Variants in LINGO2 observed in about 807,000 individuals in gnomAD.
The protein encoded by LINGO2 is leucine-rich repeat and immunoglobulin-like domain-containing nogo receptor-interacting protein 2.
LINGO2 carries 14 observed loss-of-function variants against 30.6 expected under a neutral mutation model. The observed-to-expected ratio is 0.46, with a 90% CI of 0.30 to 0.72. The LOEUF (loss-of-function observed/expected upper bound fraction) is 0.72. Ranked by LOEUF, LINGO2 falls within the 30% of genes least tolerant of loss-of-function variation. LINGO2 has a pLI of 0.07. For missense variants in LINGO2, 729 were observed against 751.7 expected (o/e 0.97, Z 0.35); for synonymous variants, 317 against 288.5 (o/e 1.10, Z -1.00).
At chr9:28,616,185 C>T (rs553352922) in intron 1 of LINGO2, among the ~76,000 whole-genome samples, 1 of 152,126 alleles carries the variant, frequency 6.6e-6, no homozygotes, top group Admixed American at 6.5e-5. Context: ...TTTTAAAATG[C>T]TTATAAATAT....
At chr9:28,634,388 C>T (rs1329285962) in intron 1 of LINGO2, among the ~76,000 whole-genome samples, 2 of 151,828 alleles carry the variant, frequency 1.3e-5, no homozygotes, top group African/African-American at 4.8e-5. Context: ...ATAATATAAA[C>T]ATACCTTTTC....
the LINGO2 span, among the ~76,000 whole-genome samples, chr9:28,757,206 A>T: frequency 1.3e-5 from 2 of 152,028 alleles, no homozygotes; most frequent in Non-Finnish European, 2.9e-5. Context: ...CTTTTCCCAA[A>T]CTGAAATTGA....
intron 1 of LINGO2, among the ~76,000 whole-genome samples, chr9:28,510,625 C>G (rs985949986): frequency 2.6e-5 from 4 of 151,834 alleles, no homozygotes; most frequent in Non-Finnish European, 5.9e-5. Context: ...AAAAAATCCA[C>G]ATATGAATGG....
At chr9:28,502,911 T>A (rs79661806) in intron 1 of LINGO2, among the ~76,000 whole-genome samples, 2,820 of 152,188 alleles carry the variant, frequency 0.019, 81 homozygotes, top group East Asian at 0.09. Context: ...GAAAGGAAGA[T>A]GGCAAAGCCT....
chr9:29,186,539 T>G, the LINGO2 span, among the ~76,000 whole-genome samples: 1 of 152,042 alleles, frequency 6.6e-6, no homozygotes, highest in African/African-American at 2.4e-5. Flanking sequence ...AGTAAAAAGA[T>G]CCAGAAAATT....
chr9:29,171,642 A>G, the LINGO2 span, among the ~76,000 whole-genome samples: 3 of 152,068 alleles, frequency 2.0e-5, no homozygotes, highest in Admixed American at 6.5e-5. Context: ...ATAAGCAATG[A>G]TTCATTAATA....
the LINGO2 span, among the ~76,000 whole-genome samples, chr9:29,006,728 C>A: frequency 6.6e-6 from 1 of 151,988 alleles, no homozygotes; most frequent in African/African-American, 2.4e-5. Context: ...AAATATTCAA[C>A]ATTAAGCATA....
At chr9:29,058,756 A>G in the LINGO2 span, among the ~76,000 whole-genome samples, 1 of 151,960 alleles carries the variant, frequency 6.6e-6, no homozygotes, top group Non-Finnish European at 1.5e-5. Context: ...AAGGAATGAC[A>G]AGAATGTTCT....
the LINGO2 span, among the ~76,000 whole-genome samples, chr9:29,014,630 A>C: frequency 6.6e-6 from 1 of 152,178 alleles, no homozygotes; most frequent in African/African-American, 2.4e-5. Context: ...CACAAATCCT[A>C]GTCAAATGCT....
At chr9:28,171,848 A>AAAAAAAAC (rs1828593161) in intron 4 of LINGO2, among the ~76,000 whole-genome samples, 1 of 149,122 alleles carries the variant, frequency 6.7e-6, no homozygotes, top group Non-Finnish European at 1.5e-5. Flanking sequence ...CTCTACTGAA[A>AAAAAAAAC]AAAAAAACAA....
chr9:28,683,612 T>C, the LINGO2 span, among the ~76,000 whole-genome samples: 1 of 152,184 alleles, frequency 6.6e-6, no homozygotes, highest in Non-Finnish European at 1.5e-5. Context: ...TTAATATGGT[T>C]CTCTCCTAGA....
intron 4 of LINGO2, among the ~76,000 whole-genome samples, chr9:28,270,815 C>T (rs866568626): frequency 2.0e-5 from 3 of 152,034 alleles, no homozygotes; most frequent in Non-Finnish European, 4.4e-5. Flanking sequence ...ACAGGCATAT[C>T]CTGTTTAAGT....
At chr9:28,925,073 T>C in the LINGO2 span, among the ~76,000 whole-genome samples, 7 of 152,202 alleles carry the variant, frequency 4.6e-5, no homozygotes, top group African/African-American at 1.7e-4. Context: ...AATTTGTTAA[T>C]TAGCCTGATT....
chr9:29,139,059 C>T, the LINGO2 span, among the ~76,000 whole-genome samples: 2 of 152,132 alleles, frequency 1.3e-5, no homozygotes, highest in African/African-American at 4.8e-5. Flanking sequence ...TTTAACAAAG[C>T]CAGCTGCTAT....
the LINGO2 span, among the ~76,000 whole-genome samples, chr9:29,055,940 G>GTATATATATATGTATATA: frequency 1.7e-3 from 203 of 119,824 alleles, 3 homozygotes; most frequent in African/African-American, 6.3e-3. Context: ...ATGTGTGTGT[G>GTATATATATATGTATATA]TATATATACA....
At chr9:28,382,436 G>A (rs1411702477) in intron 2 of LINGO2, among the ~76,000 whole-genome samples, 1 of 152,084 alleles carries the variant, frequency 6.6e-6, no homozygotes, top group Non-Finnish European at 1.5e-5. Context: ...ACAACACATT[G>A]TGGACCATTA....
chr9:28,616,760 G>T (rs774338206), intron 1 of LINGO2, among the ~76,000 whole-genome samples: 5 of 152,154 alleles, frequency 3.3e-5, no homozygotes, highest in Admixed American at 6.5e-5. Flanking sequence ...CAGAAACAAA[G>T]AATGAAATTA....
chr9:29,104,180 T>C, the LINGO2 span, among the ~76,000 whole-genome samples: 2 of 152,156 alleles, frequency 1.3e-5, no homozygotes, highest in Admixed American at 1.3e-4. Context: ...AGTAAAGATC[T>C]GATATGGTTT....
At chr9:28,355,826 A>G (rs1397381924) in intron 3 of LINGO2, among the ~76,000 whole-genome samples, 1 of 151,760 alleles carries the variant, frequency 6.6e-6, no homozygotes, top group Middle Eastern at 3.2e-3. Flanking sequence ...ATACAGAAAA[A>G]ACATCTATCA....
Sources: gnomAD v4.1 joint callset for allele counts (sites outside exome capture counted in the v4.1 genomes callset) on GRCh38, gnomAD v4.1.1 for gene constraint, MANE v1.5 for transcripts, NCBI Gene and HGNC (gene_info 2026-07-23, HGNC 2026-07-21) for gene names.